Variants in LAMA1 observed in about 807,000 individuals in gnomAD.
LAMA1 encodes laminin subunit alpha 1.
LAMA1 carries 219 observed loss-of-function variants against 348.7 expected under a neutral mutation model. That is an observed-to-expected ratio of 0.63 (90% CI 0.56 to 0.70). LAMA1 has a LOEUF of 0.70. LAMA1 is among the 30% of genes least tolerant of loss of function. The probability of loss-of-function intolerance (pLI) is 0.00; values close to 1 mark genes in which losing one functional copy is unlikely to be tolerated. For synonymous variants in LAMA1, 1,487 were observed against 1,491.0 expected (o/e 1.00, Z 0.06); for missense variants, 3,744 against 3,888.0 (o/e 0.96, Z 0.99).
intron 18 of LAMA1, 144 bp from the exon 19 acceptor site, chr18:7,023,519 C>G (rs1193542025): frequency 2.7e-6 from 2 of 741,480 alleles, no homozygotes; most frequent in Non-Finnish European, 4.7e-6. Context: ...ACTCCCCACT[C>G]GGGCATTCCC....
intron 30 of LAMA1, 108 bp downstream of exon 30, chr18:7,002,156 T>A: frequency 7.1e-7 from 1 of 1,403,434 alleles, no homozygotes; most frequent in Non-Finnish European, 9.8e-7. Context: ...TTGCAACCAA[T>A]GGAGAATATT....
chr18:7,019,449 T>C (rs2057905362), intron 19 of LAMA1, among the ~76,000 whole-genome samples: 3 of 152,158 alleles, frequency 2.0e-5, no homozygotes, highest in African/African-American at 7.2e-5. Flanking sequence ...ATGTAAACTA[T>C]TGATGATAAT....
At chr18:7,057,798 CTT>C (rs544422864) in intron 3 of LAMA1, among the ~76,000 whole-genome samples, 48 of 133,116 alleles carry the variant, frequency 3.6e-4, no homozygotes, top group Admixed American at 3.7e-4. Flanking sequence ...TTCTTTCTTT[CTT>C]TTTTTTTTTT....
chr18:7,096,802 C>T lies in LAMA1; in HGVS notation c.62-16345G>A, dbSNP rs144451642. On this transcript the variant is annotated intron_variant, in intron 1 of 62. Transcript: ENST00000389658. Reference sequence around the variant, plus strand: ...AAGTGAACAAAGTTTTCAAAAGCAACCATTTCAGGACTCTGAAAATCATCT... The same window carrying T: ...AAGTGAACAAAGTTTTCAAAAGCAATCATTTCAGGACTCTGAAAATCATCT... 8.5e-4 allele frequency among the ~76,000 whole-genome samples: 129 copies of T among 152,306 alleles called. 1 individual carries two copies. Among genetic ancestry groups the T allele is most frequent in the African/African-American group, 3.0e-3 (126 of 41,568 alleles).
intron 1 of LAMA1, among the ~76,000 whole-genome samples, chr18:7,105,363 C>T (rs1355080374): frequency 2.6e-5 from 4 of 152,014 alleles, no homozygotes; most frequent in African/African-American, 4.8e-5. Context: ...TGCTTGAACC[C>T]GGGAGGCGGA....
intron 1 of LAMA1, among the ~76,000 whole-genome samples, chr18:7,082,532 G>GTACT (rs1170951233): frequency 6.6e-6 from 1 of 152,134 alleles, no homozygotes; most frequent in Non-Finnish European, 1.5e-5. Context: ...CTTATGTGTG[G>GTACT]TACTTACCTG....
chr18:7,005,976 T>C (rs1431053347), intron 29 of LAMA1, among the ~76,000 whole-genome samples: 5 of 152,172 alleles, frequency 3.3e-5, no homozygotes, highest in African/African-American at 1.2e-4. Flanking sequence ...TTCCTTGTGA[T>C]TGGGCCACAC....
At chr18:6,984,365 C>T (rs886124644) in intron 39 of LAMA1, among the ~76,000 whole-genome samples, 3 of 152,186 alleles carry the variant, frequency 2.0e-5, no homozygotes, top group Admixed American at 2.0e-4. Context: ...ACTTGTCACC[C>T]ATAACGCATA....
rs616722 is a variant in LAMA1, at chr18:6,985,507, T to C, written c.5496+20A>G. The C allele has an allele frequency of 0.86, 1,381,166 of 1,609,288 alleles. 594,158 individuals carry two copies. The highest frequency in any genetic ancestry group is 0.99 in the East Asian group (44,280 of 44,846). ...GATTCTTTAAAAACTGTACTGTGGC[T>C]GTGCTGAGATGTAATTTACCTCTAG... On this transcript the variant is annotated intron_variant, in intron 38 of 62. Coordinates refer to ENST00000389658, the MANE Select transcript of LAMA1 (RefSeq NM_005559.4).
At position 7,010,495 on chromosome 18, in the gene LAMA1, C is replaced by A. The variant is rs185973342; in HGVS notation, c.3688-110G>T. The A allele has an allele frequency of 1.7e-3, 1,774 of 1,016,036 alleles. 2 individuals are homozygous for A. The highest frequency in any genetic ancestry group is 2.3e-3 in the Non-Finnish European group (1,531 of 669,294). The allele number at this position is 1,016,036 out of a possible 1,614,324, so 62.9% of individuals were successfully genotyped here. On this transcript the variant is annotated intron_variant, in intron 25 of 62. Coordinates refer to ENST00000389658, the MANE Select transcript of LAMA1 (RefSeq NM_005559.4). Reference sequence around the variant, plus strand: ...GAAATCTTGTATCTTAAAAATACATCACATGGGTGAAATTTGTTGTCTGGA... The same window carrying A: ...GAAATCTTGTATCTTAAAAATACATAACATGGGTGAAATTTGTTGTCTGGA...
rs149260074 is a variant in LAMA1, at chr18:7,015,738, G to A, written c.3110C>T (p.Ala1037Val). ...AGTGCTCACCTGGCACCCCACCTCC[G>A]CATCGTAGCCCCAGTGCCCATCCTC... ...ECEDGHWGYDAEVGCQACNCS... is the reference protein window; with the variant it reads ...ECEDGHWGYDVEVGCQACNCS... The change falls in exon 22 of 63, where the codon GCG (alanine) becomes GTG (valine). Residue 1037 changes from alanine (A) to valine (V), a missense_variant. Coordinates refer to ENST00000389658, the MANE Select transcript of LAMA1 (RefSeq NM_005559.4). The A allele has an allele frequency of 6.9e-5, 111 of 1,613,978 alleles. 3 individuals are homozygous for A. Among genetic ancestry groups the A allele is most frequent in the South Asian group, 5.9e-4 (54 of 91,066 alleles).
chr18:6,965,907 G>A (rs1037137767), intron 49 of LAMA1: 2 of 527,942 alleles, frequency 3.8e-6, no homozygotes, highest in African/African-American at 3.8e-5. Flanking sequence ...AAGACTAGAA[G>A]GCTAGTTTCT....
intron 3 of LAMA1, among the ~76,000 whole-genome samples, chr18:7,052,771 C>G (rs1568047738): frequency 6.6e-6 from 1 of 150,738 alleles, no homozygotes; most frequent in Non-Finnish European, 1.5e-5. Flanking sequence ...CGCCTGTAAT[C>G]CCAGCACTTT....
At chr18:7,099,613 G>A (rs536205164) in intron 1 of LAMA1, among the ~76,000 whole-genome samples, 1 of 151,598 alleles carries the variant, frequency 6.6e-6, no homozygotes, top group African/African-American at 2.4e-5. Context: ...CTAAGATCTT[G>A]GATTAGGCAA....
At chr18:7,058,689 G>T (rs1172186359) in intron 3 of LAMA1, among the ~76,000 whole-genome samples, 1 of 152,174 alleles carries the variant, frequency 6.6e-6, no homozygotes, top group African/African-American at 2.4e-5. Flanking sequence ...AGAAGAAACC[G>T]ACTCTGCTGA....
chr18:7,017,735 C>T (rs1415508274), intron 19 of LAMA1, among the ~76,000 whole-genome samples: 1 of 152,128 alleles, frequency 6.6e-6, no homozygotes, highest in Non-Finnish European at 1.5e-5. Flanking sequence ...GCCATTTGCC[C>T]TGATTCCAAT....
intron 3 of LAMA1, among the ~76,000 whole-genome samples, chr18:7,078,151 T>TTTTTATTTTA (rs1318268827): frequency 6.7e-6 from 1 of 150,170 alleles, no homozygotes; most frequent in East Asian, 1.9e-4. Flanking sequence ...TTTTTTTTGT[T>TTTTTATTTTA]TTTTATTTTA....
chr18:6,953,338 C>T (rs1385287992), intron 57 of LAMA1, among the ~76,000 whole-genome samples: 1 of 152,242 alleles, frequency 6.6e-6, no homozygotes, highest in East Asian at 1.9e-4. Context: ...ATAATGCCCT[C>T]GAGGCACAAG....
chr18:6,980,593 ATC>A lies in LAMA1; in HGVS notation c.5933_5934del (p.Arg1978IlefsTer7). ...GTAATTTCAACAGCATTCTCTTGAA[ATC>A]TGTTTGTCTTATTTCTCAATTCACT... Reference protein sequence around the residue: ...ELSELRNKTNRFQENAVEITR... With the variant: ...ELSELRNKTNXFQENAVEITR... On this transcript the variant is annotated frameshift_variant, in exon 42 of 63. Coordinates refer to ENST00000389658, the MANE Select transcript of LAMA1 (RefSeq NM_005559.4). LOFTEE classifies it high-confidence loss of function. The A allele has an allele frequency of 6.2e-7, 1 of 1,613,544 alleles. No homozygotes were observed. Among genetic ancestry groups the A allele is most frequent in the Non-Finnish European group, 8.5e-7 (1 of 1,179,536 alleles).
Sources: gnomAD v4.1 joint callset for allele counts (sites outside exome capture counted in the v4.1 genomes callset) on GRCh38, gnomAD v4.1.1 for gene constraint, MANE v1.5 for transcripts, NCBI Gene and HGNC (gene_info 2026-07-23, HGNC 2026-07-21) for gene names.